Variants in NEGR1 observed in about 807,000 individuals in gnomAD.
NEGR1 encodes the protein IgLON family member 4.
A neutral mutation model predicts 40.9 loss-of-function variants in NEGR1; 10 were observed. That is an observed-to-expected ratio of 0.24 (90% CI 0.15 to 0.42). The LOEUF (loss-of-function observed/expected upper bound fraction) is 0.42, where lower values mean the gene tolerates loss of function less well. NEGR1 is among the 10% of genes least tolerant of loss of function. The pLI is 1.00. For synonymous variants in NEGR1, 185 were observed against 166.8 expected (o/e 1.11, Z -0.84); for missense variants, 352 against 438.9 (o/e 0.80, Z 1.77).
chr1:71,751,575 T>C (rs577582727), intron 3 of NEGR1, among the ~76,000 whole-genome samples: 5 of 152,338 alleles, frequency 3.3e-5, no homozygotes, highest in African/African-American at 1.2e-4. Context: ...TTGTGCTTTC[T>C]CTACCCATTG....
At chr1:71,908,218 A>C (rs1311215260) in intron 2 of NEGR1, among the ~76,000 whole-genome samples, 2 of 151,946 alleles carry the variant, frequency 1.3e-5, no homozygotes, top group South Asian at 2.1e-4. Context: ...CCACTACAAA[A>C]AAAAAAAAAA....
intron 2 of NEGR1, among the ~76,000 whole-genome samples, chr1:71,903,237 G>A (rs1661186981): frequency 6.6e-6 from 1 of 151,364 alleles, no homozygotes; most frequent in African/African-American, 2.4e-5. Context: ...TCATTGTGAT[G>A]GTATGTAAAC....
chr1:71,801,487 T>A (rs1242714440), intron 2 of NEGR1, among the ~76,000 whole-genome samples: 6 of 152,206 alleles, frequency 3.9e-5, no homozygotes. Context: ...ACATGTCTAA[T>A]GAAAACTCTT....
chr1:72,220,403 C>A (rs1428421908), intron 1 of NEGR1, among the ~76,000 whole-genome samples: 1 of 151,878 alleles, frequency 6.6e-6, no homozygotes, highest in Non-Finnish European at 1.5e-5. Flanking sequence ...CCCCTCCCCT[C>A]CCCTCCCTGT....
At chr1:71,965,673 T>C (rs1471934870) in intron 1 of NEGR1, among the ~76,000 whole-genome samples, 1 of 152,212 alleles carries the variant, frequency 6.6e-6, no homozygotes, top group African/African-American at 2.4e-5. Context: ...GGTTAGAATG[T>C]AATTGTTCAC....
chr1:71,594,360 C>A (rs755848769), intron 5 of NEGR1, among the ~76,000 whole-genome samples: 2 of 152,016 alleles, frequency 1.3e-5, no homozygotes, highest in African/African-American at 4.8e-5. Flanking sequence ...AATGGCATCC[C>A]CTGAGAGTTC....
At chr1:72,260,096 C>A (rs975272528) in intron 1 of NEGR1, among the ~76,000 whole-genome samples, 1 of 152,008 alleles carries the variant, frequency 6.6e-6, no homozygotes, top group Non-Finnish European at 1.5e-5. Context: ...TAGAGTAACC[C>A]TAAGAAGTAT....
chr1:71,748,959 A>G (rs1157709472), intron 3 of NEGR1, among the ~76,000 whole-genome samples: 1 of 152,168 alleles, frequency 6.6e-6, no homozygotes, highest in African/African-American at 2.4e-5. Context: ...AAGTCAAACT[A>G]TGAAATAGGG....
At chr1:72,178,800 T>A (rs545052814) in intron 1 of NEGR1, among the ~76,000 whole-genome samples, 1 of 152,010 alleles carries the variant, frequency 6.6e-6, no homozygotes, top group Admixed American at 6.6e-5. Context: ...CCCTAATACT[T>A]ACTGATATTG....
Position 72,093,329 on chromosome 1 carries a change from C to CAA in NEGR1, c.177-158020_177-158019dup, listed in dbSNP as rs11370565. Among the ~76,000 whole-genome samples, 465 of 118,776 alleles carry CAA rather than the reference C, an allele frequency of 3.9e-3. 5 individuals carry two copies. The highest frequency in any genetic ancestry group is 7.8e-3 in the Admixed American group (96 of 12,312). 77.9% of individuals were successfully genotyped at this position (118,776 alleles called of 152,430 possible). On this transcript the variant is annotated intron_variant, in intron 1 of 6. Coordinates refer to ENST00000357731, the MANE Select transcript of NEGR1 (RefSeq NM_173808.3). ...CTGGTGCCAGAGCTAGACTCTGCCT[C>CAA]AAAAAAAAAAAAAAGATGCTCAAAT...
intron 4 of NEGR1, among the ~76,000 whole-genome samples, chr1:71,666,214 A>C (rs1557605160): frequency 6.6e-6 from 1 of 151,924 alleles, no homozygotes; most frequent in East Asian, 1.9e-4. Flanking sequence ...TGATAGTTCT[A>C]TTTTTTTTAC....
intron 1 of NEGR1, among the ~76,000 whole-genome samples, chr1:72,182,113 G>A (rs1340339222): frequency 6.6e-6 from 1 of 152,098 alleles, no homozygotes; most frequent in African/African-American, 2.4e-5. Context: ...ATATTAACTT[G>A]CTTTAGTATA....
chr1:72,057,348 G>T (rs1183308093), intron 1 of NEGR1, among the ~76,000 whole-genome samples: 1 of 151,228 alleles, frequency 6.6e-6, no homozygotes, highest in Non-Finnish European at 1.5e-5. Flanking sequence ...CCTTAGATTG[G>T]CATGTATAAT....
chr1:72,022,010 CTGTAGTCCCAGCT>C (rs1646762338), intron 1 of NEGR1, among the ~76,000 whole-genome samples: 1 of 151,906 alleles, frequency 6.6e-6, no homozygotes, highest in Admixed American at 6.6e-5. Flanking sequence ...TGGCAGGCGC[CTGTAGTCCCAGCT>C]ACTTGGGAGG....
chr1:72,216,858 T>G (rs1408759476), intron 1 of NEGR1, among the ~76,000 whole-genome samples: 1 of 151,612 alleles, frequency 6.6e-6, no homozygotes, highest in Non-Finnish European at 1.5e-5. Context: ...ATATATACCT[T>G]AAACTGATTT....
chr1:71,964,443 C>A (rs1026953307), intron 1 of NEGR1, among the ~76,000 whole-genome samples: 1 of 152,142 alleles, frequency 6.6e-6, no homozygotes, highest in Non-Finnish European at 1.5e-5. Flanking sequence ...AGAGGCCATG[C>A]GTAGATGACC....
At chr1:71,935,410 C>T in intron 1 of NEGR1, 99 bp from the exon 2 acceptor site, 1 of 768,376 alleles carries the variant, frequency 1.3e-6, no homozygotes, top group Middle Eastern at 2.4e-4. Flanking sequence ...AATAATAGCA[C>T]AGCATCAAAT....
intron 1 of NEGR1, among the ~76,000 whole-genome samples, chr1:71,962,835 A>T (rs1646177292): frequency 6.6e-6 from 1 of 151,754 alleles, no homozygotes; most frequent in African/African-American, 2.4e-5. Flanking sequence ...AAGATGAGTC[A>T]CATAAGAGAC....
At chr1:72,183,029 CTT>C (rs201287199) in intron 1 of NEGR1, among the ~76,000 whole-genome samples, 2,999 of 152,150 alleles carry the variant, frequency 0.02, 93 homozygotes, top group African/African-American at 0.068. Context: ...ATCTAGATCT[CTT>C]GTCTCCTTAT....
Sources: gnomAD v4.1 joint callset for allele counts (sites outside exome capture counted in the v4.1 genomes callset) on GRCh38, gnomAD v4.1.1 for gene constraint, MANE v1.5 for transcripts, NCBI Gene and HGNC (gene_info 2026-07-23, HGNC 2026-07-21) for gene names.